AKT3: variants seen among roughly 807,000 people sequenced by gnomAD.
The protein encoded by AKT3 is RAC-gamma serine/threonine-protein kinase.
In AKT3, 15 loss-of-function variants were observed where a neutral mutation model predicts 65.3. The ratio of observed to expected loss-of-function variants is 0.23; its 90% CI spans 0.15 to 0.35. The LOEUF (loss-of-function observed/expected upper bound fraction) is 0.35. Ranked by LOEUF, AKT3 falls within the 10% of genes least tolerant of loss-of-function variation. AKT3 has a pLI of 1.00. For missense variants in AKT3, 243 were observed against 576.5 expected (o/e 0.42, Z 5.92); for synonymous variants, 206 against 183.8 (o/e 1.12, Z -0.98).
chr1:243,512,727 T>C (rs1391255006), intron 12 of AKT3, among the ~76,000 whole-genome samples: 1 of 152,170 alleles, frequency 6.6e-6, no homozygotes, highest in Non-Finnish European at 1.5e-5. Flanking sequence ...ATAACAAACA[T>C]ACATGCAAAA....
chr1:243,637,221 C>G (rs1407149037), intron 6 of AKT3, among the ~76,000 whole-genome samples: 1 of 151,936 alleles, frequency 6.6e-6, no homozygotes, highest in Non-Finnish European at 1.5e-5. Context: ...TTTTTCCATT[C>G]AATGTTATAT....
At chr1:243,620,723 A>G (rs1338961114) in intron 6 of AKT3, among the ~76,000 whole-genome samples, 1 of 152,074 alleles carries the variant, frequency 6.6e-6, no homozygotes, top group African/African-American at 2.4e-5. Flanking sequence ...ATGGAGATGA[A>G]AGCACCGTTG....
rs560965056 is a variant in AKT3, at chr1:243,834,150, C to G, written c.46+8975G>C. Among the ~76,000 whole-genome samples the G allele has an allele frequency of 1.6e-4, 25 of 152,142 alleles. 1 individual carries two copies. The South Asian group carries it at 4.6e-3, about 28-fold the overall frequency. On this transcript the variant is annotated intron_variant, in intron 2 of 13. Transcript: ENST00000673466. The stretch of plus-strand genomic sequence containing the variant: ...GAACTACCATTAGACCCAGCAATTC[C>G]ATTATTGAAAATATGACCAAAGGAA...
At chr1:243,741,756 A>G (rs187770070) in intron 2 of AKT3, 1 of 152,314 alleles carries the variant, frequency 6.6e-6, no homozygotes, top group Admixed American at 6.5e-5. Flanking sequence ...TAAAACATAA[A>G]ATACTTCCTA....
chr1:243,515,145 G>A (rs1285834298), intron 12 of AKT3, among the ~76,000 whole-genome samples: 1 of 152,088 alleles, frequency 6.6e-6, no homozygotes, highest in Non-Finnish European at 1.5e-5. Context: ...CACTTTGCTG[G>A]GTAATATTTC....
chr1:243,787,059 A>T (rs1008174859), intron 2 of AKT3, among the ~76,000 whole-genome samples: 1 of 152,242 alleles, frequency 6.6e-6, no homozygotes, highest in Non-Finnish European at 1.5e-5. Context: ...CTGTAGGATT[A>T]GGTTAATCTA....
intron 6 of AKT3, among the ~76,000 whole-genome samples, chr1:243,634,473 A>C (rs1478597408): frequency 8.6e-5 from 13 of 152,030 alleles, no homozygotes; most frequent in African/African-American, 3.1e-4. Flanking sequence ...TAAAATAGAA[A>C]ACTTATAACA....
chr1:243,837,696 T>G (rs1694978795), intron 2 of AKT3, among the ~76,000 whole-genome samples: 1 of 152,108 alleles, frequency 6.6e-6, no homozygotes, highest in African/African-American at 2.4e-5. Flanking sequence ...TGACCACCAC[T>G]CATGATAAAA....
At chr1:243,812,884 C>G (rs1247325550) in intron 2 of AKT3, among the ~76,000 whole-genome samples, 1 of 151,908 alleles carries the variant, frequency 6.6e-6, no homozygotes, top group Non-Finnish European at 1.5e-5. Flanking sequence ...ATGGATGAAG[C>G]TGGAAACCAT....
intron 2 of AKT3, among the ~76,000 whole-genome samples, chr1:243,774,982 C>G (rs890096842): frequency 1.3e-5 from 2 of 152,158 alleles, no homozygotes; most frequent in African/African-American, 4.8e-5. Context: ...CCCACCTCAG[C>G]CACCTGAGTA....
chr1:243,622,004 A>T (rs763068749), intron 6 of AKT3, among the ~76,000 whole-genome samples: 8 of 152,188 alleles, frequency 5.3e-5, no homozygotes, highest in Non-Finnish European at 8.8e-5. Flanking sequence ...TATTGTCAAC[A>T]CTGCAGCCAA....
chr1:243,775,111 C>T (rs1012920153), intron 2 of AKT3, among the ~76,000 whole-genome samples: 2 of 152,156 alleles, frequency 1.3e-5, no homozygotes, highest in African/African-American at 2.4e-5. Flanking sequence ...AATCCTCCTG[C>T]CTCAAATTCC....
At chr1:243,611,882 A>G (rs1213038366) in intron 8 of AKT3, among the ~76,000 whole-genome samples, 1 of 152,164 alleles carries the variant, frequency 6.6e-6, no homozygotes. Context: ...TCCCTGGGTG[A>G]AATCTCATTA....
chr1:243,851,078 A>G (rs940636069), upstream of AKT3: 2 of 152,526 alleles, frequency 1.3e-5, no homozygotes, highest in South Asian at 2.1e-4. Context: ...GCGGTGCCCA[A>G]TGAGGTAGGG....
chr1:243,791,630 G>A lies in AKT3; in HGVS notation c.46+51495C>T, dbSNP rs186278744. Among the ~76,000 whole-genome samples the A allele has an allele frequency of 1.1e-4, 17 of 152,240 alleles. No individual in the cohort carries two copies. The East Asian group carries it at 2.9e-3, about 26-fold the overall frequency. ...TTAATGAACAGAATTTAAATGAGAC[G>A]AAGGATAAATGGTGAAGAAATCTTG... On this transcript the variant is annotated intron_variant, in intron 2 of 13. Transcript: ENST00000673466.
chr1:243,568,934 T>C (rs1263281722), intron 9 of AKT3, among the ~76,000 whole-genome samples: 2 of 152,188 alleles, frequency 1.3e-5, no homozygotes, highest in African/African-American at 4.8e-5. Flanking sequence ...ATATATATGG[T>C]ATCATTTTAA....
intron 2 of AKT3, among the ~76,000 whole-genome samples, chr1:243,840,596 G>A (rs1695182196): frequency 6.6e-6 from 1 of 152,036 alleles, no homozygotes. Flanking sequence ...TATTTTAACT[G>A]CTTTTCAGAA....
chr1:243,770,548 G>C (rs531920983), intron 2 of AKT3, among the ~76,000 whole-genome samples: 1 of 152,076 alleles, frequency 6.6e-6, no homozygotes, highest in African/African-American at 2.4e-5. Context: ...ACAGAGATAG[G>C]CATGTATATG....
At chr1:243,613,650 T>C (rs1307512921) in intron 8 of AKT3, 21 bp downstream of exon 8, 5 of 1,548,842 alleles carry the variant, frequency 3.2e-6, no homozygotes, top group Non-Finnish European at 4.4e-6. Flanking sequence ...ATGCAAATAC[T>C]GGATTTACTT....
Sources: allele counts gnomAD v4.1 joint callset (sites outside exome capture counted in the v4.1 genomes callset), GRCh38; gene constraint gnomAD v4.1.1; transcripts MANE v1.5; gene names NCBI Gene and HGNC (gene_info 2026-07-23, HGNC 2026-07-21).